CSMD3: variants seen among roughly 807,000 people sequenced by gnomAD.
CSMD3 encodes the protein CUB and Sushi multiple domains 3, also known as CUB and sushi domain-containing protein 3.
CSMD3 carries 177 observed loss-of-function variants against 435.2 expected under a neutral mutation model. That is an observed-to-expected ratio of 0.41 (90% CI 0.36 to 0.46). The LOEUF (loss-of-function observed/expected upper bound fraction) is 0.46, where lower values mean the gene tolerates loss of function less well. Ranked by LOEUF, CSMD3 falls within the 20% of genes least tolerant of loss-of-function variation. CSMD3 has a pLI of 0.34. For synonymous variants in CSMD3, 1,656 were observed against 1,520.5 expected (o/e 1.09, Z -2.07); for missense variants, 4,265 against 4,504.6 (o/e 0.95, Z 1.52).
At chr8:112,516,536 A>G (rs1823688813) in intron 28 of CSMD3, among the ~76,000 whole-genome samples, 1 of 152,226 alleles carries the variant, frequency 6.6e-6, no homozygotes, top group Non-Finnish European at 1.5e-5. Flanking sequence ...AGCTGGAAGT[A>G]TGATCCAGGC....
At chr8:112,490,754 A>AT (rs1473114631) in intron 31 of CSMD3, among the ~76,000 whole-genome samples, 1 of 152,020 alleles carries the variant, frequency 6.6e-6, no homozygotes, top group Non-Finnish European at 1.5e-5. Flanking sequence ...TATGTTTAAT[A>AT]TTTTTTTCTA....
intron 1 of CSMD3, among the ~76,000 whole-genome samples, chr8:113,329,464 A>C (rs1468481674): frequency 6.6e-6 from 1 of 152,162 alleles, no homozygotes; most frequent in Non-Finnish European, 1.5e-5. Context: ...TAAACAGAAA[A>C]TAATGAACAT....
At chr8:112,965,871 T>C (rs1452915760) in intron 7 of CSMD3, among the ~76,000 whole-genome samples, 1 of 151,892 alleles carries the variant, frequency 6.6e-6, no homozygotes, top group Non-Finnish European at 1.5e-5. Context: ...TTCAAAAATG[T>C]GATGAAATAA....
chr8:112,492,763 G>C (rs1465501062), intron 30 of CSMD3, 80 bp from the exon 31 acceptor site: 2 of 1,130,020 alleles, frequency 1.8e-6, no homozygotes, highest in Admixed American at 3.4e-5. Context: ...TGCATCTGTG[G>C]ATTCAGCCAA....
intron 5 of CSMD3, among the ~76,000 whole-genome samples, chr8:113,062,979 A>G (rs921206251): frequency 1.4e-4 from 22 of 151,860 alleles, no homozygotes; most frequent in African/African-American, 5.1e-4. Flanking sequence ...ATTACTGATT[A>G]TAGTTTTGTT....
intron 13 of CSMD3, among the ~76,000 whole-genome samples, chr8:112,719,297 G>A (rs951355425): frequency 1.1e-4 from 17 of 152,050 alleles, no homozygotes; most frequent in Admixed American, 6.6e-5. Context: ...AGGTATAAAG[G>A]TCAGCAACAT....
intron 28 of CSMD3, among the ~76,000 whole-genome samples, chr8:112,512,482 A>G (rs1563640695): frequency 6.6e-6 from 1 of 152,174 alleles, no homozygotes; most frequent in Non-Finnish European, 1.5e-5. Flanking sequence ...ACGAGCAGTG[A>G]TATTTTGAAA....
chr8:112,858,656 AATTC>A, intron 11 of CSMD3, among the ~76,000 whole-genome samples: 1 of 151,982 alleles, frequency 6.6e-6, no homozygotes, highest in Admixed American at 6.6e-5. Context: ...ATAGAAAGGC[AATTC>A]AACTTTTTGA....
intron 6 of CSMD3, among the ~76,000 whole-genome samples, chr8:113,010,905 T>G (rs2131125596): frequency 6.6e-6 from 1 of 151,766 alleles, no homozygotes; most frequent in East Asian, 1.9e-4. Context: ...AGGGATTCTC[T>G]AATCTTCAAA....
At chr8:112,932,927 G>A (rs942409111) in intron 9 of CSMD3, among the ~76,000 whole-genome samples, 2 of 152,054 alleles carry the variant, frequency 1.3e-5, no homozygotes, top group African/African-American at 4.8e-5. Flanking sequence ...TTCTATGCAT[G>A]TATCAAAATA....
At chr8:113,094,477 A>T (rs576894398) in intron 5 of CSMD3, among the ~76,000 whole-genome samples, 1 of 152,226 alleles carries the variant, frequency 6.6e-6, no homozygotes, top group African/African-American at 2.4e-5. Flanking sequence ...TAATTTTTCA[A>T]TGTCTGGTAG....
rs1563776469 is a variant in CSMD3 at position 112,314,003 on chromosome 8, T to C, written c.7599A>G (p.Ser2533=). Residue 2533 remains serine, a synonymous_variant, in exon 49 of 71, where the codon TCA becomes TCG. Transcript: ENST00000297405. ...PVLISLSGDY[S]SAFNITSNGH... ...CATTGCTTGTTATATTAAAAGCAGATGAATAATCCCCACTGAGGGAAATAA... is the reference window on the plus strand; with the variant it reads ...CATTGCTTGTTATATTAAAAGCAGACGAATAATCCCCACTGAGGGAAATAA... 2.5e-6 allele frequency: 4 copies of C among 1,609,782 alleles called. No individual in the cohort carries two copies. Among genetic ancestry groups the C allele is most frequent in the Non-Finnish European group, 3.4e-6 (4 of 1,176,384 alleles).
intron 1 of CSMD3, among the ~76,000 whole-genome samples, chr8:113,393,276 A>C (rs2094469423): frequency 6.6e-6 from 1 of 152,076 alleles, no homozygotes; most frequent in African/African-American, 2.4e-5. Flanking sequence ...TAATTAGATA[A>C]GGTCTTTTGA....
intron 13 of CSMD3, among the ~76,000 whole-genome samples, chr8:112,708,722 C>CAA (rs67604036): frequency 6.0e-5 from 6 of 100,816 alleles, no homozygotes; most frequent in Non-Finnish European, 1.1e-4. Flanking sequence ...GACGATAGAG[C>CAA]AAAAAAAACC....
chr8:112,596,408 T>A (rs200878348), intron 22 of CSMD3, among the ~76,000 whole-genome samples: 2 of 151,672 alleles, frequency 1.3e-5, no homozygotes, highest in African/African-American at 2.4e-5. Flanking sequence ...CTCCCACACA[T>A]TAATAATGGG....
At chr8:112,773,614 A>C (rs1349116311) in intron 13 of CSMD3, among the ~76,000 whole-genome samples, 2 of 152,014 alleles carry the variant, frequency 1.3e-5, no homozygotes, top group Non-Finnish European at 2.9e-5. Context: ...CTTTGAGTGA[A>C]TAGACTACAG....
chr8:112,891,869 C>T (rs1212343405), intron 10 of CSMD3, among the ~76,000 whole-genome samples: 2 of 151,360 alleles, frequency 1.3e-5, no homozygotes, highest in Non-Finnish European at 3.0e-5. Flanking sequence ...CAAGAGGCTA[C>T]TCTAACTCCC....
chr8:113,326,702 CTG>C (rs1354427981), intron 1 of CSMD3, among the ~76,000 whole-genome samples: 4 of 152,220 alleles, frequency 2.6e-5, no homozygotes, highest in Non-Finnish European at 4.4e-5. Context: ...ATTAAGTAAA[CTG>C]TATTTCAGAC....
chr8:112,979,554 T>C (rs1275043988), intron 6 of CSMD3, among the ~76,000 whole-genome samples: 1 of 151,524 alleles, frequency 6.6e-6, no homozygotes, highest in African/African-American at 2.4e-5. Context: ...GAAAAAGTCT[T>C]AGAATTATGT....
Sources: allele counts gnomAD v4.1 joint callset (sites outside exome capture counted in the v4.1 genomes callset), GRCh38; gene constraint gnomAD v4.1.1; transcripts MANE v1.5; gene names NCBI Gene and HGNC (gene_info 2026-07-23, HGNC 2026-07-21).